The following FANCM variants were observed in gnomAD, a reference collection of about 807,000 sequenced individuals.
The protein encoded by FANCM is Fanconi anemia group M protein.
Under a neutral mutation model 199.5 loss-of-function variants are expected in FANCM, and 140 were observed. The ratio of observed to expected loss-of-function variants is 0.70; its 90% CI spans 0.61 to 0.81. FANCM has a LOEUF of 0.81. Ranked by LOEUF, FANCM falls within the 30% of genes least tolerant of loss-of-function variation. The pLI is 0.00. For missense variants in FANCM, 2,410 were observed against 2,421.4 expected (o/e 1.00, Z 0.10); for synonymous variants, 840 against 836.8 (o/e 1.00, Z -0.07).
intron 14 of FANCM, among the ~76,000 whole-genome samples, 190 bp from the exon 15 acceptor site, chr14:45,181,240 G>A (rs930626759): frequency 5.9e-5 from 9 of 152,060 alleles, no homozygotes; most frequent in Non-Finnish European, 1.2e-4. Context: ...TTCTTCACTG[G>A]CATTTTAATT....
intron 20 of FANCM, among the ~76,000 whole-genome samples, chr14:45,191,413 C>T (rs963687531): frequency 3.3e-5 from 5 of 152,182 alleles, no homozygotes; most frequent in Non-Finnish European, 5.9e-5. Flanking sequence ...GGAGATGAGG[C>T]TACAGAGCCT....
chr14:45,157,971 C>G (rs1304784816), intron 8 of FANCM, among the ~76,000 whole-genome samples: 1 of 151,982 alleles, frequency 6.6e-6, no homozygotes, highest in African/African-American at 2.4e-5. Flanking sequence ...CTGAGGTGGG[C>G]AGATCTCTTC....
At chr14:45,137,959 T>C (rs544521484) in intron 2 of FANCM, 1 of 152,280 alleles carries the variant, frequency 6.6e-6, no homozygotes, top group African/African-American at 2.4e-5. Flanking sequence ...ACAGAGTATC[T>C]AATGAGGGGT....
chr14:45,179,742 A>G (rs1164553511), intron 14 of FANCM, among the ~76,000 whole-genome samples: 1 of 151,722 alleles, frequency 6.6e-6, no homozygotes, highest in East Asian at 1.9e-4. Flanking sequence ...TTGTATTTTT[A>G]GTAGAGATGG....
chr14:45,198,735 C>T lies in FANCM; in HGVS notation c.5808C>T (p.Ser1936=), dbSNP rs142333130. 523 of 1,613,942 alleles carry T rather than the reference C, an allele frequency of 3.2e-4. 3 individuals are homozygous for T. In the African/African-American group the frequency reaches 5.9e-3, roughly 18 times the overall value. The change falls in exon 22 of 23, where the codon TCC becomes TCT. Residue 1936 remains serine, a synonymous_variant. Transcript: ENST00000267430. Reference sequence around the variant, plus strand: ...CTGGAATCCGAATTCTTTTCAGTTCCTGCCAAGAAGAAACCGCAGATTTGC... The same window carrying T: ...CTGGAATCCGAATTCTTTTCAGTTCTTGCCAAGAAGAAACCGCAGATTTGC... ...IGAGIRILFS[S]CQEETADLLK... is the part of the protein sequence containing the mutation.
chr14:45,180,437 T>TTTTTTTG lies in FANCM; in HGVS notation c.4223-979_4223-973dup, dbSNP rs1313511871. On this transcript the variant is annotated intron_variant, in intron 14 of 22. Coordinates refer to ENST00000267430, the MANE Select transcript of FANCM (RefSeq NM_020937.4). ...TAGTTTGATAAGTATGTGGTGTTTT[T>TTTTTTTG]TTTTTTGTTTTTTGTTTTTTCCCCC... 1.1e-4 allele frequency among the ~76,000 whole-genome samples: 16 copies of TTTTTTTG among 151,966 alleles called. No homozygotes were observed. The East Asian group carries it at 3.1e-3, about 29-fold the overall frequency.
rs555543489 is a variant in FANCM, at chr14:45,189,756, G to T, written c.5340+394G>T. Among the ~76,000 whole-genome samples the T allele has an allele frequency of 3.9e-5, 6 of 152,210 alleles. No homozygotes were observed. In the East Asian group the frequency reaches 1.2e-3, roughly 29 times the overall value. On this transcript the variant is annotated intron_variant, in intron 20 of 22. Transcript: ENST00000267430. The stretch of plus-strand genomic sequence containing the variant: ...GGCCGAGGCAGGTGGATCACTTGAG[G>T]TCAGGAGTTCAAGACTAGCCTGGCC...
rs752560995 is a variant in FANCM, at chr14:45,175,251, G to A, written c.2497G>A (p.Asp833Asn). ...CAGTTCATCCTCAGTGATAGAATCT[G>A]ATGAAGAATGTGCTGAAATTGTTAA... Reference protein sequence around the residue: ...QGSSSSVIESDEECAEIVKQT... With the variant: ...QGSSSSVIESNEECAEIVKQT... Residue 833 changes from aspartate (D) to asparagine (N), a missense_variant, in exon 14 of 23, where the codon GAT becomes AAT. By Grantham distance (23) the Asp-to-Asn change is conservative. Coordinates refer to ENST00000267430, the MANE Select transcript of FANCM (RefSeq NM_020937.4). The A allele has an allele frequency of 3.4e-5, 55 of 1,607,108 alleles. No homozygotes were observed. Among genetic ancestry groups the A allele is most frequent in the Non-Finnish European group, 5.9e-6 (7 of 1,177,938 alleles).
chr14:45,168,247 A>G (rs1378332090), intron 11 of FANCM, among the ~76,000 whole-genome samples: 1 of 152,088 alleles, frequency 6.6e-6, no homozygotes, highest in Non-Finnish European at 1.5e-5. Context: ...TTTTTTGGCT[A>G]TGTCTATTAA....
chr14:45,176,373 A>G lies in FANCM; in HGVS notation c.3619A>G (p.Arg1207Gly), dbSNP rs765606207. ...TAATAGTTTTAAATCTCGTGATCAG[A>G]GAGGTGTACAGGAAGAAAAAGTGAA... is the stretch of plus-strand genomic sequence containing the variant. The part of the protein sequence containing the change: ...DANSFKSRDQ[R>G]GVQEEKVKNH... The change falls in exon 14 of 23, where the codon AGA (arginine) becomes GGA (glycine). Residue 1207 changes from arginine (R) to glycine (G), a missense_variant. Coordinates refer to ENST00000267430, the MANE Select transcript of FANCM (RefSeq NM_020937.4). The G allele has an allele frequency of 6.2e-7, 1 of 1,613,132 alleles. No homozygotes were observed. Among genetic ancestry groups the G allele is most frequent in the Non-Finnish European group, 8.5e-7 (1 of 1,179,834 alleles).
At position 45,166,233 on chromosome 14, in the gene FANCM, G is replaced by A. The variant is rs541530505; in HGVS notation, c.1789-717G>A. Reference sequence around the variant, plus strand: ...TGCAACCTCCATCTCCTGAGTTCAAGCGATTCTCCTGTCTCAGCCTCCTGA... The same window carrying A: ...TGCAACCTCCATCTCCTGAGTTCAAACGATTCTCCTGTCTCAGCCTCCTGA... On this transcript the variant is annotated intron_variant, in intron 10 of 22. Transcript: ENST00000267430. 2.0e-5 allele frequency among the ~76,000 whole-genome samples: 3 copies of A among 151,942 alleles called. No individual in the cohort carries two copies. The East Asian group carries it at 5.8e-4, about 29-fold the overall frequency.
chr14:45,153,091 C>T (rs1323942319), intron 5 of FANCM, among the ~76,000 whole-genome samples: 2 of 152,124 alleles, frequency 1.3e-5, no homozygotes, highest in Non-Finnish European at 2.9e-5. Context: ...TAGTCTTCAT[C>T]TCAAAGGAAA....
chr14:45,154,262 A>T (rs1268184211), intron 6 of FANCM, among the ~76,000 whole-genome samples: 1 of 152,000 alleles, frequency 6.6e-6, no homozygotes, highest in Non-Finnish European at 1.5e-5. Flanking sequence ...TTAGCTGGGT[A>T]TGATGGTGCA....
intron 20 of FANCM, among the ~76,000 whole-genome samples, chr14:45,194,951 G>A (rs958926816): frequency 4.0e-5 from 6 of 151,854 alleles, no homozygotes; most frequent in African/African-American, 1.2e-4. Context: ...GTTTCACCAC[G>A]TTGGCCAGGC....
intron 8 of FANCM, among the ~76,000 whole-genome samples, chr14:45,155,854 C>T (rs760133032): frequency 3.3e-5 from 5 of 150,714 alleles, no homozygotes; most frequent in African/African-American, 9.9e-5. Context: ...TTAGTTTATT[C>T]TAACATTTCT....
chr14:45,163,055 T>C (rs1219598433), intron 9 of FANCM, among the ~76,000 whole-genome samples: 2 of 152,214 alleles, frequency 1.3e-5, no homozygotes, highest in Non-Finnish European at 2.9e-5. Context: ...CTGAAATGTT[T>C]ATGAGAAGAC....
rs377630399 is a variant in FANCM at position 45,196,267 on chromosome 14, G to T, written c.5436G>T (p.Pro1812=). ...GGACACATACTTCTCTTAGACTTCC[G>T]CAGGAAGGAAAAGGAACCTGTATTC... The part of the protein sequence containing the change: ...LAGTHTSLRL[P]QEGKGTCILV... The change falls in exon 21 of 23, where the codon CCG becomes CCT. Residue 1812 remains proline, a synonymous_variant. Coordinates refer to ENST00000267430, the MANE Select transcript of FANCM (RefSeq NM_020937.4). The T allele has an allele frequency of 1.2e-5, 19 of 1,613,916 alleles. 1 individual carries two copies. Among genetic ancestry groups the T allele is most frequent in the African/African-American group, 8.0e-5 (6 of 75,004 alleles).
In FANCM at chr14:45,161,577, G is replaced by A. The variant is rs992007106; in HGVS notation, c.1581+2297G>A. ...GCAGATTGCTTGAGGCCAGGAGTTC[G>A]AGACCAACTAGGGCAACATGGTAAA... On this transcript the variant is annotated intron_variant, in intron 9 of 22. Coordinates refer to ENST00000267430, the MANE Select transcript of FANCM (RefSeq NM_020937.4). 4.6e-5 allele frequency among the ~76,000 whole-genome samples: 7 copies of A among 152,194 alleles called. No homozygotes were observed. In the South Asian group the frequency reaches 6.2e-4, roughly 14 times the overall value.
rs2139205149 is a variant in FANCM, at chr14:45,164,491, C to T, written c.1714C>T (p.Gln572Ter). 1 of 1,613,458 alleles carries T rather than the reference C, an allele frequency of 6.2e-7. No homozygotes were observed. The highest frequency in any genetic ancestry group is 8.5e-7 in the Non-Finnish European group (1 of 1,179,834). The change falls in exon 10 of 23, where the codon CAA becomes TAA. Residue 572 changes from glutamine to a stop codon, truncating the protein, a stop_gained. Transcript: ENST00000267430. LOFTEE classifies it high-confidence loss of function. ...CCAGAAGAGCCCAATTCGTCTTGTACAACGAATGGGTAGAACTGGCCGTAA... is the reference window on the plus strand; with the variant it reads ...CCAGAAGAGCCCAATTCGTCTTGTATAACGAATGGGTAGAACTGGCCGTAA... ...DSQKSPIRLV[Q>*]RMGRTGRKRQ...
Sources: allele counts gnomAD v4.1 joint callset (sites outside exome capture counted in the v4.1 genomes callset), GRCh38; gene constraint gnomAD v4.1.1; transcripts MANE v1.5; gene names NCBI Gene and HGNC (gene_info 2026-07-23, HGNC 2026-07-21).